The following ANKRD40 variants were observed in gnomAD, a reference collection of about 807,000 sequenced individuals.
The protein encoded by ANKRD40 is ankyrin repeat domain 40.
In ANKRD40, 24 loss-of-function variants were observed where a neutral mutation model predicts 35.5. The observed-to-expected ratio is 0.68, with a 90% CI of 0.49 to 0.95. The LOEUF is 0.95. ANKRD40 is among the 40% of genes least tolerant of loss of function. The pLI is 0.00. For synonymous variants in ANKRD40, 147 were observed against 173.5 expected (o/e 0.85, Z 1.20); for missense variants, 361 against 436.0 (o/e 0.83, Z 1.53).
At chr17:50,696,288 GC>G in intron 4 of ANKRD40, 145 bp from the exon 5 acceptor site, 1 of 908,528 alleles carries the variant, frequency 1.1e-6, no homozygotes. Flanking sequence ...CAGTGATAGT[GC>G]AACTAAGGCC....
At chr17:50,701,316 C>T (rs1319581969) in intron 1 of ANKRD40, among the ~76,000 whole-genome samples, 1 of 152,162 alleles carries the variant, frequency 6.6e-6, no homozygotes, top group African/African-American at 2.4e-5. Context: ...TTCTCTAGTT[C>T]TCTCCAGAAG....
Position 50,699,426 on chromosome 17 carries a change from T to G in ANKRD40, c.751A>C (p.Thr251Pro). The change falls in exon 3 of 5, where the codon ACT becomes CCT. Residue 251 changes from threonine (T) to proline (P), a missense_variant. Coordinates refer to ENST00000285243, the MANE Select transcript of ANKRD40 (RefSeq NM_052855.4). ...TGCATATTAAATGGAAATGCTCCAGTGAAGAAAAATGGCTGGAATGCTGGC... is the reference window on the plus strand; with the variant it reads ...TGCATATTAAATGGAAATGCTCCAGGGAAGAAAAATGGCTGGAATGCTGGC... ...PAPAFQPFFF[T>P]GAFPFNMQEL... 1 of 1,614,032 alleles carries G rather than the reference T, an allele frequency of 6.2e-7. No individual in the cohort carries two copies. Among genetic ancestry groups the G allele is most frequent in the African/African-American group, 1.3e-5 (1 of 75,018 alleles).
intron 3 of ANKRD40, among the ~76,000 whole-genome samples, chr17:50,698,864 G>C (rs927753815): frequency 3.3e-5 from 5 of 151,810 alleles, no homozygotes; most frequent in African/African-American, 1.2e-4. Flanking sequence ...ATCCAGCTGG[G>C]TGCGGTGATT....
chr17:50,705,496 T>C (rs1968322737), intron 1 of ANKRD40, among the ~76,000 whole-genome samples: 1 of 151,842 alleles, frequency 6.6e-6, no homozygotes, highest in South Asian at 2.1e-4. Flanking sequence ...CAGGCTGTTT[T>C]CTTTAGGGAA....
Position 50,699,657 on chromosome 17 carries a change from T to C in ANKRD40, c.520A>G (p.Thr174Ala), listed in dbSNP as rs1297978710. 5 of 1,613,952 alleles carry C rather than the reference T, an allele frequency of 3.1e-6. No homozygotes were observed. In the African/African-American group the frequency reaches 4.0e-5, roughly 13 times the overall value. The change falls in exon 3 of 5, where the codon ACC (threonine) becomes GCC (alanine). Residue 174 changes from threonine (T) to alanine (A), a missense_variant. This residue lies in a region of ANKRD40 where 172 missense variants were observed against 174.0 expected (regional missense o/e 0.99). Coordinates refer to ENST00000285243, the MANE Select transcript of ANKRD40 (RefSeq NM_052855.4). ...LPPGEPPLLG[T>A]FPRDHTSLAL... is the part of the protein sequence containing the mutation. ...AAAGAGGTGTGGTCCCGGGGAAAGG[T>C]CCCTAACAGGGGAGGTTCCCCAGGG...
At chr17:50,706,205 TCCG>T (rs1968335969) in intron 1 of ANKRD40, among the ~76,000 whole-genome samples, 2 of 151,518 alleles carry the variant, frequency 1.3e-5, no homozygotes, top group African/African-American at 4.9e-5. Flanking sequence ...TACTGCAACC[TCCG>T]CCTCCCAGGT....
Position 50,707,071 on chromosome 17 carries a change from GC to G in ANKRD40, c.134+449del, listed in dbSNP as rs1237333888. On this transcript the variant is annotated intron_variant, in intron 1 of 4. Coordinates refer to ENST00000285243, the MANE Select transcript of ANKRD40 (RefSeq NM_052855.4). This position sits in a 1 kb window ranked among gnomAD's most constrained non-coding sequence, Gnocchi z 4.8. Reference sequence around the variant, plus strand: ...AATGTGTTTTTTTTTCCTGGTCTTGGCTAAGGAAATCGTGCTAGTTTATAAA... The same window carrying G: ...AATGTGTTTTTTTTTCCTGGTCTTGGTAAGGAAATCGTGCTAGTTTATAAA... Among the ~76,000 whole-genome samples the G allele has an allele frequency of 6.6e-6, 1 of 152,052 alleles. No homozygotes were observed.
chr17:50,694,136 A>AAAAAAAAAAAAAAAAAAG lies in ANKRD40; in HGVS notation c.*1860_*1861insCTTTTTTTTTTTTTTTTT, dbSNP rs1460022756. The AAAAAAAAAAAAAAAAAAG allele has an allele frequency of 4.0e-5, 6 of 150,524 alleles. No homozygotes were observed. The highest frequency in any genetic ancestry group is 2.1e-4 in the South Asian group (1 of 4,690). 9.3% of individuals were successfully genotyped at this position (150,524 alleles called of 1,614,324 possible). A position where few individuals can be genotyped will look rare whatever the true frequency, so the allele number is the denominator to read the frequency against. ...CAAAGCAAGACTCCGTCTCAAAAAA[A>AAAAAAAAAAAAAAAAAAG]AAAAGAAAAGAAACACCAGGGAGGT... On this transcript the variant is annotated 3_prime_UTR_variant, in exon 5 of 5. Coordinates refer to ENST00000285243, the MANE Select transcript of ANKRD40 (RefSeq NM_052855.4).
intron 1 of ANKRD40, among the ~76,000 whole-genome samples, chr17:50,706,947 G>C (rs1474196134): frequency 8.0e-6 from 1 of 125,572 alleles, no homozygotes; most frequent in Admixed American, 8.2e-5. Flanking sequence ...GAAAATAATC[G>C]ATAGGATAAA....
Position 50,698,870 on chromosome 17 carries a change from T to A in ANKRD40, c.778+529A>T, listed in dbSNP as rs149412802. 4.0e-5 allele frequency among the ~76,000 whole-genome samples: 6 copies of A among 151,170 alleles called. No individual in the cohort carries two copies. The East Asian group carries it at 1.2e-3, about 30-fold the overall frequency. Reference sequence around the variant, plus strand: ...TAAGAGAATATCCAGCTGGGTGCGGTGATTCACACCTATAATCTCAGCACT... The same window carrying A: ...TAAGAGAATATCCAGCTGGGTGCGGAGATTCACACCTATAATCTCAGCACT... On this transcript the variant is annotated intron_variant, in intron 3 of 4. Coordinates refer to ENST00000285243, the MANE Select transcript of ANKRD40 (RefSeq NM_052855.4).
At chr17:50,701,016 A>T (rs1968266814) in intron 1 of ANKRD40, 1 of 256,912 alleles carries the variant, frequency 3.9e-6, no homozygotes, top group Admixed American at 4.8e-5. Context: ...CGTGGAATAT[A>T]CTCTATCAGT....
In ANKRD40 at chr17:50,700,593, C is replaced by T; in HGVS notation, c.258G>A (p.Arg86=). The T allele has an allele frequency of 6.2e-7, 1 of 1,614,136 alleles. No individual in the cohort carries two copies. Among genetic ancestry groups the T allele is most frequent in the Non-Finnish European group, 8.5e-7 (1 of 1,180,032 alleles). Residue 86 remains arginine (R), a synonymous_variant, in exon 2 of 5, where the codon AGG becomes AGA. Transcript: ENST00000285243. ...KGEMPVQLTS[R]REIRKIMGVE... Reference sequence around the variant, plus strand: ...CTCCCATAATCTTCCTGATTTCTCTCCTTGATGTTAACTGGACTGGCATTT... The same window carrying T: ...CTCCCATAATCTTCCTGATTTCTCTTCTTGATGTTAACTGGACTGGCATTT...
chr17:50,703,097 T>C (rs1238964816), intron 1 of ANKRD40, among the ~76,000 whole-genome samples: 7 of 152,210 alleles, frequency 4.6e-5, no homozygotes, highest in Admixed American at 4.6e-4. Flanking sequence ...GCTGAAATTG[T>C]GATTACTGAG....
chr17:50,704,515 C>CA (rs892783050), intron 1 of ANKRD40, among the ~76,000 whole-genome samples: 3,051 of 37,306 alleles, frequency 0.082, 157 homozygotes, highest in African/African-American at 0.17. Context: ...AACTCCATCT[C>CA]AAAAAAAAAA....
rs1968360375 is a variant in ANKRD40 at position 50,707,769 on chromosome 17, C to T, written c.-115G>A. 5.7e-6 allele frequency: 4 copies of T among 707,008 alleles called. No homozygotes were observed. Among genetic ancestry groups the T allele is most frequent in the Non-Finnish European group, 7.2e-6 (4 of 558,530 alleles). 43.8% of individuals were successfully genotyped at this position (707,008 alleles called of 1,614,324 possible). The stretch of plus-strand genomic sequence containing the variant: ...CCGGCCATGGGGAGGGAGCGCGGAA[C>T]TCGCCCGCCCTGCTCGCGCCGCTGC... On this transcript the variant is annotated 5_prime_UTR_variant, in exon 1 of 5. Coordinates refer to ENST00000285243, the MANE Select transcript of ANKRD40 (RefSeq NM_052855.4). This position sits in a 1 kb window ranked among gnomAD's most constrained non-coding sequence, Gnocchi z 4.8.
chr17:50,699,684 G>A lies in ANKRD40; in HGVS notation c.493C>T (p.Pro165Ser), dbSNP rs754737376. ...PPADGSPPLL[P>S]PGEPPLLGTF... Reference sequence around the variant, plus strand: ...CCTAACAGGGGAGGTTCCCCAGGGGGAAGCAATGGAGGTGAGCCATCTGCA... The same window carrying A: ...CCTAACAGGGGAGGTTCCCCAGGGGAAAGCAATGGAGGTGAGCCATCTGCA... The change falls in exon 3 of 5, where the codon CCC becomes TCC. Residue 165 changes from proline (P) to serine (S), a missense_variant. Physicochemically the swap from Pro to Ser is moderately conservative, Grantham distance 74 (BLOSUM62 -1). Transcript: ENST00000285243. 6.2e-6 allele frequency: 10 copies of A among 1,614,196 alleles called. No homozygotes were observed. The highest frequency in any genetic ancestry group is 7.6e-6 in the Non-Finnish European group (9 of 1,180,028).
intron 2 of ANKRD40, 75 bp from the exon 3 acceptor site, chr17:50,699,968 G>A (rs1968250704): frequency 7.2e-7 from 1 of 1,380,598 alleles, no homozygotes; most frequent in Non-Finnish European, 9.4e-7. Flanking sequence ...TGAAAGTGGT[G>A]TCTTTTGGTA....
In ANKRD40 at chr17:50,697,001, A is replaced by G. The variant is rs149520387; in HGVS notation, c.899T>C (p.Leu300Pro). The G allele has an allele frequency of 3.8e-5, 61 of 1,613,974 alleles. No homozygotes were observed. Among genetic ancestry groups the G allele is most frequent in the Non-Finnish European group, 4.5e-5 (53 of 1,179,998 alleles). The change falls in exon 4 of 5, where the codon CTG becomes CCG. Residue 300 changes from leucine (L) to proline (P), a missense_variant. Around this residue, in one of 5 missense-constraint regions of ANKRD40, gnomAD observed 93 missense variants for 129.6 expected, o/e 0.72. Transcript: ENST00000285243. ...QELLRVCCCELGVNPDQVEKI... is the reference protein window; with the variant it reads ...QELLRVCCCEPGVNPDQVEKI... ...CTCCACTTGATCTGGATTAACACCC[A>G]GCTCACAGCAACACACTCTGAGCAA...
rs376624697 is a variant in ANKRD40, at chr17:50,696,844, CTTTG to C, written c.960+92_960+95del. ...AATCACTCTTTGCTCCTTTTCTATT[CTTTG>C]TTTATTCCCTCAACTACCTCATATA... On this transcript the variant is annotated intron_variant, in intron 4 of 4. Coordinates refer to ENST00000285243, the MANE Select transcript of ANKRD40 (RefSeq NM_052855.4). 8.4e-3 allele frequency: 9,599 copies of C among 1,148,426 alleles called. 127 individuals carry two copies. The highest frequency in any genetic ancestry group is 0.049 in the South Asian group (2,733 of 55,658). 71.1% of individuals were successfully genotyped at this position (1,148,426 alleles called of 1,614,324 possible). A position where few individuals can be genotyped will look rare whatever the true frequency, so the allele number is the denominator to read the frequency against.
Sources: gnomAD v4.1 joint callset for allele counts (sites outside exome capture counted in the v4.1 genomes callset) on GRCh38, gnomAD v4.1.1 for gene constraint, gnomAD v4.1.1 regional missense constraint, Gnocchi (gnomAD v3.1) non-coding constraint, MANE v1.5 for transcripts, NCBI Gene and HGNC (gene_info 2026-07-23, HGNC 2026-07-21) for gene names.